The following DLG2 variants were observed in gnomAD, a reference collection of about 807,000 sequenced individuals.
DLG2 encodes discs large MAGUK scaffold protein 2.
In DLG2, 45 loss-of-function variants were observed where a neutral mutation model predicts 132.5. The observed-to-expected ratio is 0.34, with a 90% confidence interval of 0.27 to 0.44. The LOEUF is 0.44. Ranked by LOEUF, DLG2 falls within the 20% of genes least tolerant of loss-of-function variation. The pLI, the probability that DLG2 is intolerant of heterozygous loss-of-function variation, is 1.00. For missense variants in DLG2, 1,045 were observed against 1,196.9 expected (o/e 0.87, Z 1.87); for synonymous variants, 424 against 419.6 (o/e 1.01, Z -0.13).
At chr11:84,303,729 G>A (rs1233601202) in intron 7 of DLG2, among the ~76,000 whole-genome samples, 2 of 152,120 alleles carry the variant, frequency 1.3e-5, no homozygotes, top group African/African-American at 4.8e-5. Context: ...AAGAATCTGA[G>A]TTAAACTAAA....
At chr11:85,219,350 T>C (rs547750523) in intron 4 of DLG2, among the ~76,000 whole-genome samples, 1 of 152,328 alleles carries the variant, frequency 6.6e-6, no homozygotes. Flanking sequence ...TATAACACTT[T>C]CATTACAATA....
chr11:83,738,517 C>T (rs542643777), intron 18 of DLG2, among the ~76,000 whole-genome samples: 7 of 152,130 alleles, frequency 4.6e-5, no homozygotes, highest in African/African-American at 4.8e-5. Flanking sequence ...AGAAAAGCTT[C>T]GAAATAATTT....
intron 7 of DLG2, among the ~76,000 whole-genome samples, chr11:84,388,523 CATTTTAATTTATAG>C (rs1413096666): frequency 6.6e-6 from 1 of 151,988 alleles, no homozygotes; most frequent in Non-Finnish European, 1.5e-5. Flanking sequence ...GCAGCTATTT[CATTTTAATTTATAG>C]ATTCCTAATT....
intron 7 of DLG2, among the ~76,000 whole-genome samples, chr11:84,485,178 C>T (rs147802777): frequency 6.6e-6 from 1 of 152,024 alleles, no homozygotes; most frequent in African/African-American, 2.4e-5. Flanking sequence ...GCTAAAAGAG[C>T]CTCCTGTATG....
Position 84,290,446 on chromosome 11 carries a change from G to C in DLG2, c.520-39155C>G, listed in dbSNP as rs181263788. On this transcript the variant is annotated intron_variant, in intron 7 of 27. Coordinates refer to ENST00000376104, the MANE Select transcript of DLG2 (RefSeq NM_001142699.3). The stretch of plus-strand genomic sequence containing the variant: ...CCTTTATTTGCTCTAATGAGAAACA[G>C]GGATAATAATCCCTGTTATCGCAGG... Among the ~76,000 whole-genome samples the C allele has an allele frequency of 9.3e-3, 1,421 of 152,198 alleles. 11 individuals are homozygous for C. The highest frequency in any genetic ancestry group is 0.014 in the Non-Finnish European group (927 of 67,980).
chr11:84,040,189 T>C (rs1296684332), intron 11 of DLG2, among the ~76,000 whole-genome samples: 1 of 150,800 alleles, frequency 6.6e-6, no homozygotes, highest in Non-Finnish European at 1.5e-5. Context: ...ACTCTGATGG[T>C]AGTTTCTTTT....
intron 6 of DLG2, among the ~76,000 whole-genome samples, chr11:84,601,247 G>A (rs540212764): frequency 2.4e-4 from 36 of 151,866 alleles, no homozygotes; most frequent in African/African-American, 6.8e-4. Flanking sequence ...ACACACACAC[G>A]CACTCATGCA....
At chr11:85,320,812 G>C (rs1441167243) in intron 3 of DLG2, among the ~76,000 whole-genome samples, 1 of 151,794 alleles carries the variant, frequency 6.6e-6, no homozygotes, top group Non-Finnish European at 1.5e-5. Context: ...TCAACAAAAA[G>C]CCACAGAGAC....
intron 3 of DLG2, among the ~76,000 whole-genome samples, chr11:85,517,859 G>A (rs932375975): frequency 2.6e-5 from 4 of 152,118 alleles, no homozygotes; most frequent in Non-Finnish European, 5.9e-5. Flanking sequence ...ATGGAGGCAG[G>A]TCTTTCCTGT....
Position 85,387,669 on chromosome 11 carries a change from A to G in DLG2, c.41-102304T>C, listed in dbSNP as rs558561963. On this transcript the variant is annotated intron_variant, in intron 3 of 27. Coordinates refer to ENST00000376104, the MANE Select transcript of DLG2 (RefSeq NM_001142699.3). ...ATCAATGAGTATCAGCTAATTTCTG[A>G]CCACCATGTGCAAAAGGGCATCCTC... Among the ~76,000 whole-genome samples the G allele has an allele frequency of 2.6e-5, 4 of 152,302 alleles. No individual in the cohort carries two copies. In the East Asian group the frequency reaches 7.7e-4, roughly 29 times the overall value.
At chr11:84,498,791 A>G (rs1036642336) in intron 7 of DLG2, among the ~76,000 whole-genome samples, 1 of 152,186 alleles carries the variant, frequency 6.6e-6, no homozygotes, top group Non-Finnish European at 1.5e-5. Flanking sequence ...GTCAGGTATT[A>G]TTTTCTTTAC....
intron 11 of DLG2, among the ~76,000 whole-genome samples, chr11:84,001,895 T>C (rs546680292): frequency 6.6e-6 from 1 of 152,040 alleles, no homozygotes; most frequent in African/African-American, 2.4e-5. Context: ...CTTAAAACAA[T>C]TGAAAATGAA....
At chr11:85,318,114 A>C (rs888776416) in intron 3 of DLG2, among the ~76,000 whole-genome samples, 12 of 151,924 alleles carry the variant, frequency 7.9e-5, no homozygotes, top group Non-Finnish European at 1.2e-4. Context: ...AAAAAGTAGA[A>C]GCAGTATTTA....
chr11:83,616,921 C>A (rs545653809), intron 19 of DLG2, among the ~76,000 whole-genome samples: 2 of 152,090 alleles, frequency 1.3e-5, no homozygotes, highest in South Asian at 4.1e-4. Flanking sequence ...CACTTCAGAG[C>A]AATTTTACTT....
intron 3 of DLG2, among the ~76,000 whole-genome samples, chr11:85,545,136 T>C (rs2076226941): frequency 6.6e-6 from 1 of 152,340 alleles, no homozygotes; most frequent in Non-Finnish European, 1.5e-5. Flanking sequence ...TTGTCATAAA[T>C]AGCTCTTAGT....
chr11:85,425,810 C>T (rs1252020275), intron 3 of DLG2, among the ~76,000 whole-genome samples: 1 of 152,152 alleles, frequency 6.6e-6, no homozygotes, highest in African/African-American at 2.4e-5. Context: ...GGGTGCAGCA[C>T]ACCAAGCAAG....
At chr11:84,575,891 T>C (rs2099498611) in intron 6 of DLG2, among the ~76,000 whole-genome samples, 1 of 152,302 alleles carries the variant, frequency 6.6e-6, no homozygotes, top group Middle Eastern at 3.4e-3. Context: ...GTGGAATCAC[T>C]GGGAAATTAA....
intron 17 of DLG2, among the ~76,000 whole-genome samples, chr11:83,824,962 T>C (rs1476703479): frequency 6.6e-6 from 1 of 151,770 alleles, no homozygotes; most frequent in Non-Finnish European, 1.5e-5. Flanking sequence ...TTAAGGAATA[T>C]AACTGGAAAG....
intron 3 of DLG2, among the ~76,000 whole-genome samples, chr11:85,323,550 T>G (rs756329153): frequency 1.3e-5 from 2 of 152,196 alleles, no homozygotes; most frequent in African/African-American, 2.4e-5. Context: ...TACAATAAAT[T>G]ATTGTTAGCT....
Sources: allele counts gnomAD v4.1 joint callset (sites outside exome capture counted in the v4.1 genomes callset), GRCh38; gene constraint gnomAD v4.1.1; transcripts MANE v1.5; gene names NCBI Gene and HGNC (gene_info 2026-07-23, HGNC 2026-07-21).